The following MYO6 variants were observed in gnomAD, a reference collection of about 807,000 sequenced individuals.
MYO6 encodes myosin VI.
MYO6 carries 74 observed loss-of-function variants against 178.7 expected under a neutral mutation model. The ratio of observed to expected loss-of-function variants is 0.41; its 90% CI spans 0.34 to 0.50. The LOEUF (loss-of-function observed/expected upper bound fraction) is 0.50, where lower values mean the gene tolerates loss of function less well. MYO6 is among the 20% of genes least tolerant of loss of function. The probability of loss-of-function intolerance (pLI) is 0.09; values close to 1 mark genes in which losing one functional copy is unlikely to be tolerated. For synonymous variants in MYO6, 477 were observed against 504.6 expected, an observed-to-expected ratio of 0.95 and a Z score of 0.73; for missense variants, 1,330 against 1,547.4, an observed-to-expected ratio of 0.86 and a Z score of 2.36.
intron 16 of MYO6, chr6:75,865,145 C>G (rs528313835): frequency 6.8e-6 from 1 of 147,658 alleles, no homozygotes; most frequent in South Asian, 2.1e-4. Flanking sequence ...TTTGTAGAGA[C>G]AGAATTTTGC....
chr6:75,896,516 T>C (rs998307189), intron 29 of MYO6, among the ~76,000 whole-genome samples: 1 of 152,264 alleles, frequency 6.6e-6, no homozygotes, highest in African/African-American at 2.4e-5. Context: ...TTCTCTCAAT[T>C]ACACAGTATT....
At chr6:75,851,633 TA>T (rs55727614) in intron 11 of MYO6, among the ~76,000 whole-genome samples, 19,562 of 142,660 alleles carry the variant, frequency 0.14, 1,343 homozygotes, top group Non-Finnish European at 0.16. Context: ...TGAGACCCCA[TA>T]AAAAAAAAAC....
At chr6:75,797,673 A>G (rs1442520820) in intron 1 of MYO6, among the ~76,000 whole-genome samples, 2 of 152,012 alleles carry the variant, frequency 1.3e-5, no homozygotes, top group Non-Finnish European at 2.9e-5. Context: ...AGCTGGGATT[A>G]CAGGTGCCTG....
intron 1 of MYO6, among the ~76,000 whole-genome samples, chr6:75,804,974 TACACACACATATATATATAC>T (rs1769880614): frequency 7.1e-6 from 1 of 141,726 alleles, no homozygotes; most frequent in South Asian, 2.2e-4. Flanking sequence ...TACACATATA[TACACACACATATATATATAC>T]ACACACACAT....
chr6:75,906,251 C>G (rs557928272), intron 30 of MYO6, among the ~76,000 whole-genome samples: 1 of 152,264 alleles, frequency 6.6e-6, no homozygotes, highest in East Asian at 1.9e-4. Flanking sequence ...TTACCTTGAG[C>G]TTAAAGTCTT....
intron 2 of MYO6, among the ~76,000 whole-genome samples, chr6:75,820,789 A>T (rs1771791034): frequency 6.6e-6 from 1 of 152,140 alleles, no homozygotes; most frequent in Non-Finnish European, 1.5e-5. Context: ...CCCATTCAGT[A>T]GAATTGACTG....
chr6:75,891,216 AT>A lies in MYO6; in HGVS notation c.2868-6del. The A allele has an allele frequency of 6.3e-7, 1 of 1,575,620 alleles. No individual in the cohort carries two copies. The highest frequency in any genetic ancestry group is 1.1e-5 in the South Asian group (1 of 88,808). On this transcript the variant is annotated splice_polypyrimidine_tract_variant and intron_variant, in intron 26 of 34. Transcript: ENST00000369977. ...CTGTTAAATTTTTGAAGAGTTTTCT[AT>A]TTTTTATTAGGAAACTTGAGATGGA...
intron 30 of MYO6, among the ~76,000 whole-genome samples, chr6:75,903,347 A>T (rs1283092443): frequency 6.6e-6 from 1 of 151,714 alleles, no homozygotes; most frequent in Non-Finnish European, 1.5e-5. Context: ...CCCATTATTA[A>T]TGTGTGGGAG....
intron 1 of MYO6, among the ~76,000 whole-genome samples, chr6:75,777,627 A>G (rs1349374182): frequency 4.6e-5 from 7 of 151,564 alleles, no homozygotes; most frequent in Non-Finnish European, 7.4e-5. Flanking sequence ...TGTGGAGACA[A>G]GGTTTCGCTG....
Position 75,832,915 on chromosome 6 carries a change from C to T in MYO6, c.465C>T (p.Ala155=), listed in dbSNP as rs200963569. 5.5e-5 allele frequency: 89 copies of T among 1,613,710 alleles called. No individual in the cohort carries two copies. Among genetic ancestry groups the T allele is most frequent in the South Asian group, 1.2e-4 (11 of 91,072 alleles). The change falls in exon 6 of 35, where the codon GCC becomes GCT. Residue 155 remains alanine, a synonymous_variant. Coordinates refer to ENST00000369977, the MANE Select transcript of MYO6 (RefSeq NM_004999.4). Reference sequence around the variant, plus strand: ...TCATTGTATCTGGAGAATCAGGAGCCGGCAAAACAGAAAATACAAAATTTG... The same window carrying T: ...TCATTGTATCTGGAGAATCAGGAGCTGGCAAAACAGAAAATACAAAATTTG... ...QSIIVSGESG[A]GKTENTKFVL...
intron 23 of MYO6, among the ~76,000 whole-genome samples, chr6:75,883,100 C>G (rs752059375): frequency 3.3e-5 from 5 of 151,968 alleles, no homozygotes; most frequent in Non-Finnish European, 7.4e-5. Context: ...ACAATGTTTA[C>G]CCAGAAAGTA....
In MYO6 at chr6:75,822,104, C is replaced by CT. The variant is rs1267203816; in HGVS notation, c.118-668dup. ...TTTTTGAGATGGAATTTTTTTCTGT[C>CT]TTTTTTTTTTGAGATGGAATTTCAC... is the stretch of plus-strand genomic sequence containing the variant. On this transcript the variant is annotated intron_variant, in intron 2 of 34. Coordinates refer to ENST00000369977, the MANE Select transcript of MYO6 (RefSeq NM_004999.4). Among the ~76,000 whole-genome samples, 284 of 140,582 alleles carry CT rather than the reference C, an allele frequency of 2.0e-3. 1 individual carries two copies. The highest frequency in any genetic ancestry group is 7.0e-3 in the African/African-American group (269 of 38,362). 92.2% of individuals were successfully genotyped at this position (140,582 alleles called of 152,430 possible).
intron 28 of MYO6, among the ~76,000 whole-genome samples, chr6:75,895,026 T>C (rs1779186400): frequency 6.6e-6 from 1 of 152,222 alleles, no homozygotes. Context: ...ATTTGCTCTT[T>C]AATTTTCACT....
At chr6:75,800,748 TCTCA>T (rs1769370970) in intron 1 of MYO6, among the ~76,000 whole-genome samples, 1 of 151,998 alleles carries the variant, frequency 6.6e-6, no homozygotes, top group Admixed American at 6.6e-5. Context: ...TGAGACAGGG[TCTCA>T]CTCCATTACC....
chr6:75,803,807 A>G (rs1273821558), intron 1 of MYO6, among the ~76,000 whole-genome samples: 1 of 152,216 alleles, frequency 6.6e-6, no homozygotes, highest in Non-Finnish European at 1.5e-5. Flanking sequence ...AATTAATACT[A>G]TATCATAGCA....
At position 75,907,709 on chromosome 6, in the gene MYO6, G is replaced by A. The variant is rs768557283; in HGVS notation, c.3280+1G>A. On this transcript the variant is annotated splice_donor_variant, in intron 31 of 34. Transcript: ENST00000369977. LOFTEE classifies it high-confidence loss of function. ...CGTGATACCATCAATACTTCTTGTGGTAAGTGTTTGGAGAAGATCAAAAAT... is the reference window on the plus strand; with the variant it reads ...CGTGATACCATCAATACTTCTTGTGATAAGTGTTTGGAGAAGATCAAAAAT... The A allele has an allele frequency of 6.2e-7, 1 of 1,605,150 alleles. No homozygotes were observed. Among genetic ancestry groups the A allele is most frequent in the Non-Finnish European group, 8.5e-7 (1 of 1,173,066 alleles).
intron 5 of MYO6, among the ~76,000 whole-genome samples, chr6:75,832,043 C>T (rs983180402): frequency 5.9e-5 from 9 of 152,084 alleles, no homozygotes; most frequent in Admixed American, 5.2e-4. Flanking sequence ...TCTTATAGAG[C>T]CAAATTGTGA....
At chr6:75,845,637 T>A (rs1774659025) in intron 10 of MYO6, among the ~76,000 whole-genome samples, 1 of 151,846 alleles carries the variant, frequency 6.6e-6, no homozygotes, top group Middle Eastern at 3.2e-3. Context: ...GAGGCTGCAG[T>A]GAGCCACGAT....
At chr6:75,860,782 A>G (rs565364899) in intron 14 of MYO6, among the ~76,000 whole-genome samples, 3 of 152,286 alleles carry the variant, frequency 2.0e-5, no homozygotes, top group Admixed American at 1.3e-4. Context: ...GTGATGTATC[A>G]TATATATTAT....
Sources: gnomAD v4.1 joint callset for allele counts (sites outside exome capture counted in the v4.1 genomes callset) on GRCh38, gnomAD v4.1.1 for gene constraint, MANE v1.5 for transcripts, NCBI Gene and HGNC (gene_info 2026-07-23, HGNC 2026-07-21) for gene names.